Variants in ZBTB40 observed in about 807,000 individuals in gnomAD.
ZBTB40 encodes zinc finger and BTB domain-containing protein 40.
A neutral mutation model predicts 117.5 loss-of-function variants in ZBTB40; 60 were observed. That is an observed-to-expected ratio of 0.51 (90% CI 0.41 to 0.63). The LOEUF (loss-of-function observed/expected upper bound fraction) is 0.63. ZBTB40 is among the 30% of genes least tolerant of loss of function. The probability of loss-of-function intolerance (pLI) is 0.00; values close to 1 mark genes in which losing one functional copy is unlikely to be tolerated. For synonymous variants in ZBTB40, 525 were observed against 577.1 expected (o/e 0.91, Z 1.29); for missense variants, 1,287 against 1,498.5 (o/e 0.86, Z 2.33).
At chr1:22,508,212 AT>A in intron 7 of ZBTB40, 75 bp downstream of exon 7, 1 of 1,502,014 alleles carries the variant, frequency 6.7e-7, no homozygotes, top group Non-Finnish European at 9.1e-7. Context: ...ACACACACAC[AT>A]TTATATTTTC....
At chr1:22,441,448 T>C (rs1640730690) in intron 1 of ZBTB40, among the ~76,000 whole-genome samples, 1 of 151,252 alleles carries the variant, frequency 6.6e-6, no homozygotes, top group Non-Finnish European at 1.5e-5. Flanking sequence ...TGTTTCTCTC[T>C]GCTTCAGTCT....
At chr1:22,502,676 T>C (rs994565736) in intron 5 of ZBTB40, among the ~76,000 whole-genome samples, 1 of 151,778 alleles carries the variant, frequency 6.6e-6, no homozygotes, top group African/African-American at 2.4e-5. Context: ...GATGTGTGGG[T>C]GGGTGGATGG....
chr1:22,444,474 T>C (rs372124151), intron 1 of ZBTB40, among the ~76,000 whole-genome samples: 4 of 152,048 alleles, frequency 2.6e-5, no homozygotes, highest in Admixed American at 6.6e-5. Context: ...TCCCAATAGA[T>C]AGAAAAAGCC....
chr1:22,522,539 A>G, intron 16 of ZBTB40, 76 bp downstream of exon 16: 1 of 1,427,908 alleles, frequency 7.0e-7, no homozygotes, highest in Non-Finnish European at 9.9e-7. Context: ...CAGCTTTGCA[A>G]CCTAGGCTAA....
Position 22,511,216 on chromosome 1 carries a change from C to T in ZBTB40, c.1871C>T (p.Ala624Val). ...SIPSETASPE[A>V]SLRAVLSRAM... ...CCCTCTGAGACAGCCAGCCCTGAAGCTTCCCTGAGAGCAGTGCTGAGCAGA... is the reference window on the plus strand; with the variant it reads ...CCCTCTGAGACAGCCAGCCCTGAAGTTTCCCTGAGAGCAGTGCTGAGCAGA... Residue 624 changes from alanine (A) to valine (V), a missense_variant, in exon 10 of 18, where the codon GCT (alanine) becomes GTT (valine). By Grantham distance (64) the Ala-to-Val change is moderately conservative. Transcript: ENST00000375647. 1.9e-6 allele frequency: 3 copies of T among 1,613,752 alleles called. No homozygotes were observed. The highest frequency in any genetic ancestry group is 2.5e-6 in the Non-Finnish European group (3 of 1,179,948).
At chr1:22,479,945 C>T (rs958440131) in intron 1 of ZBTB40, among the ~76,000 whole-genome samples, 1 of 152,042 alleles carries the variant, frequency 6.6e-6, no homozygotes, top group Non-Finnish European at 1.5e-5. Context: ...CTCACTCTGT[C>T]GCTGAGGCTG....
At chr1:22,487,288 A>G (rs962040807) in intron 1 of ZBTB40, among the ~76,000 whole-genome samples, 40 of 152,362 alleles carry the variant, frequency 2.6e-4, no homozygotes, top group African/African-American at 7.7e-4. Context: ...GTAAATGTAG[A>G]AATGGTGGAG....
chr1:22,490,779 A>G, intron 2 of ZBTB40, 134 bp downstream of exon 2: 1 of 966,116 alleles, frequency 1.0e-6, no homozygotes, highest in Non-Finnish European at 1.6e-6. Flanking sequence ...GTACTGGGCC[A>G]TTCTTTTAAA....
In ZBTB40 at chr1:22,490,547, C is replaced by G; in HGVS notation, c.599C>G (p.Ala200Gly). 1 of 1,612,968 alleles carries G rather than the reference C, an allele frequency of 6.2e-7. No homozygotes were observed. The highest frequency in any genetic ancestry group is 1.3e-5 in the African/African-American group (1 of 74,936). The change falls in exon 2 of 18, where the codon GCA (alanine) becomes GGA (glycine). Residue 200 changes from alanine (A) to glycine (G), a missense_variant. Ala to Gly is a moderately conservative substitution (Grantham distance 60). This residue lies in a region of ZBTB40 where 870 missense variants were observed against 934.4 expected (regional missense o/e 0.93). Coordinates refer to ENST00000375647, the MANE Select transcript of ZBTB40 (RefSeq NM_014870.4). ...SPTAQESQRN[A>G]ETPAETPTTA... The stretch of plus-strand genomic sequence containing the variant: ...ACAGCCCAGGAGAGCCAGAGGAATG[C>G]AGAAACCCCAGCGGAGACTCCTACT...
chr1:22,517,213 C>G, intron 12 of ZBTB40, 87 bp from the exon 13 acceptor site: 1 of 1,566,046 alleles, frequency 6.4e-7, no homozygotes, highest in Non-Finnish European at 8.7e-7. Context: ...TGATATTTCC[C>G]TGATACGTGC....
intron 13 of ZBTB40, chr1:22,519,587 T>G (rs1319615131): frequency 1.7e-5 from 4 of 239,532 alleles, no homozygotes; most frequent in Non-Finnish European, 3.3e-5. Context: ...TGCTAATGTT[T>G]TTATTGTTGA....
chr1:22,496,306 C>T (rs748170558), intron 3 of ZBTB40, among the ~76,000 whole-genome samples: 1 of 152,140 alleles, frequency 6.6e-6, no homozygotes, highest in African/African-American at 2.4e-5. Flanking sequence ...CAGACACCAC[C>T]CATGGTCCCT....
At chr1:22,512,875 A>G (rs1639278245) in intron 11 of ZBTB40, 49 bp from the exon 12 acceptor site, 1 of 1,599,292 alleles carries the variant, frequency 6.3e-7, no homozygotes, top group African/African-American at 1.3e-5. Context: ...GATTCCTAAC[A>G]CTGATTAGTA....
Position 22,501,496 on chromosome 1 carries a change from T to C in ZBTB40, c.836T>C (p.Ile279Thr). Residue 279 changes from isoleucine to threonine, a missense_variant, in exon 4 of 18, where the codon ATA (isoleucine) becomes ACA (threonine). Physicochemically the swap from Ile to Thr is moderately conservative, Grantham distance 89 (BLOSUM62 -1). Around this residue, in one of 2 missense-constraint regions of ZBTB40, gnomAD observed 870 missense variants for 934.4 expected, o/e 0.93. Transcript: ENST00000375647. ...SEIKGPQKEMIVKCFEGEGGH... is the reference protein window; with the variant it reads ...SEIKGPQKEMTVKCFEGEGGH... Reference sequence around the variant, plus strand: ...CTGGGTACTTTTGTTCCATAGATGATAGTGAAATGTTTCGAGGGTGAAGGA... The same window carrying C: ...CTGGGTACTTTTGTTCCATAGATGACAGTGAAATGTTTCGAGGGTGAAGGA... 1 of 1,614,088 alleles carries C rather than the reference T, an allele frequency of 6.2e-7. No individual in the cohort carries two copies. The highest frequency in any genetic ancestry group is 8.5e-7 in the Non-Finnish European group (1 of 1,179,982).
At chr1:22,498,009 C>G (rs1417778592) in intron 3 of ZBTB40, among the ~76,000 whole-genome samples, 2 of 151,948 alleles carry the variant, frequency 1.3e-5, no homozygotes, top group Non-Finnish European at 2.9e-5. Context: ...AGGCAGTACA[C>G]GAACAATTGG....
At chr1:22,445,394 C>T (rs1640775863) in intron 1 of ZBTB40, among the ~76,000 whole-genome samples, 2 of 152,132 alleles carry the variant, frequency 1.3e-5, no homozygotes, top group African/African-American at 4.8e-5. Flanking sequence ...AGTTCACAGT[C>T]CAGGTGCAGA....
chr1:22,436,989 T>G (rs1640678416), intron 1 of ZBTB40, among the ~76,000 whole-genome samples: 2 of 150,312 alleles, frequency 1.3e-5, no homozygotes, highest in Non-Finnish European at 3.0e-5. Flanking sequence ...GGAGGGAGAG[T>G]GTTGAACTGG....
At chr1:22,468,465 CTTTTTTTTTTTTT>C (rs555995462) in intron 1 of ZBTB40, among the ~76,000 whole-genome samples, 3 of 51,724 alleles carry the variant, frequency 5.8e-5, no homozygotes, top group Non-Finnish European at 1.0e-4. Context: ...TTAATGTTTC[CTTTTTTTTTTTTT>C]TTTTTTTTTT....
intron 1 of ZBTB40, among the ~76,000 whole-genome samples, chr1:22,482,716 A>C (rs1297367895): frequency 6.6e-6 from 1 of 152,164 alleles, no homozygotes; most frequent in Non-Finnish European, 1.5e-5. Flanking sequence ...CTTTTCCAGA[A>C]CGTCATATAT....
Sources: allele counts gnomAD v4.1 joint callset (sites outside exome capture counted in the v4.1 genomes callset), GRCh38; gene constraint gnomAD v4.1.1; regional missense constraint gnomAD v4.1.1; transcripts MANE v1.5; gene names NCBI Gene and HGNC (gene_info 2026-07-23, HGNC 2026-07-21).